The following IARS1 variants were observed in gnomAD, a reference collection of about 807,000 sequenced individuals.
IARS1 encodes the protein isoleucine--tRNA ligase, cytoplasmic.
IARS1 carries 124 observed loss-of-function variants against 168.2 expected under a neutral mutation model. That is an observed-to-expected ratio of 0.74 (90% CI 0.64 to 0.86). The LOEUF is 0.86. Among genes scored for constraint, IARS1 ranks in the 40% least tolerant of loss-of-function variants. The probability of loss-of-function intolerance (pLI) is 0.00; values close to 1 mark genes in which losing one functional copy is unlikely to be tolerated. For synonymous variants in IARS1, 532 were observed against 529.4 expected (o/e 1.00, Z -0.07); for missense variants, 1,452 against 1,515.8 (o/e 0.96, Z 0.70).
intron 26 of IARS1, among the ~76,000 whole-genome samples, chr9:92,245,926 C>A (rs1429449701): frequency 6.6e-6 from 1 of 152,052 alleles, no homozygotes; most frequent in Non-Finnish European, 1.5e-5. Context: ...GCCACCACAC[C>A]TGGCTAATTT....
chr9:92,235,112 C>T (rs937287400), intron 30 of IARS1, among the ~76,000 whole-genome samples: 14 of 152,242 alleles, frequency 9.2e-5, no homozygotes, highest in East Asian at 3.9e-4. Flanking sequence ...GGATTACAGG[C>T]GTGAGCCACC....
chr9:92,212,478 T>C (rs1226005857), intron 33 of IARS1, among the ~76,000 whole-genome samples: 2 of 152,206 alleles, frequency 1.3e-5, no homozygotes, highest in Admixed American at 6.5e-5. Flanking sequence ...GTTCTGTGAA[T>C]TGCAGGTAGT....
chr9:92,287,643 C>T (rs1006942269), intron 4 of IARS1, 148 bp downstream of exon 4: 4 of 792,364 alleles, frequency 5.0e-6, no homozygotes, highest in Non-Finnish European at 3.8e-6. Flanking sequence ...TTAAGCTAAC[C>T]GTTTAAGTAA....
intron 17 of IARS1, among the ~76,000 whole-genome samples, chr9:92,261,308 C>CA (rs1251528982): frequency 2.7e-5 from 4 of 147,194 alleles, no homozygotes; most frequent in African/African-American, 5.0e-5. Context: ...GACTCTGTCT[C>CA]AAAAAAAAGA....
At chr9:92,263,249 T>TA (rs1186437340) in intron 16 of IARS1, among the ~76,000 whole-genome samples, 194 bp from the exon 17 acceptor site, 3 of 152,304 alleles carry the variant, frequency 2.0e-5, no homozygotes, top group East Asian at 3.9e-4. Flanking sequence ...AGCATTGAAA[T>TA]AAACGTCTGG....
chr9:92,259,024 GA>G, intron 18 of IARS1, 26 bp from the exon 19 acceptor site: 1 of 1,577,762 alleles, frequency 6.3e-7, no homozygotes. Flanking sequence ...AAATTAGACA[GA>G]AAAGGTACTT....
chr9:92,214,351 T>C (rs1587678110), intron 33 of IARS1, among the ~76,000 whole-genome samples: 1 of 151,374 alleles, frequency 6.6e-6, no homozygotes, highest in Non-Finnish European at 1.5e-5. Flanking sequence ...AGGTCAGGAG[T>C]TTGAGACCAG....
intron 30 of IARS1, among the ~76,000 whole-genome samples, chr9:92,235,648 T>A (rs115345118): frequency 1.9e-3 from 287 of 150,224 alleles, no homozygotes; most frequent in African/African-American, 6.9e-3. Flanking sequence ...AATCCTACTC[T>A]CCTGAGTAGC....
At chr9:92,211,214 CA>C (rs1308377156) in intron 33 of IARS1, among the ~76,000 whole-genome samples, 2 of 152,148 alleles carry the variant, frequency 1.3e-5, no homozygotes, top group African/African-American at 4.8e-5. Flanking sequence ...AGAAAGACAG[CA>C]ATCATGCCTA....
intron 30 of IARS1, among the ~76,000 whole-genome samples, chr9:92,236,971 G>A (rs1827639882): frequency 1.3e-5 from 2 of 152,106 alleles, no homozygotes; most frequent in African/African-American, 4.8e-5. Flanking sequence ...TCTCACTAGA[G>A]GTTTATTAAT....
In IARS1 at chr9:92,250,786, C is replaced by A; in HGVS notation, c.2356G>T (p.Val786Leu). The A allele has an allele frequency of 6.2e-7, 1 of 1,613,512 alleles. No individual in the cohort carries two copies. Among genetic ancestry groups the A allele is most frequent in the Non-Finnish European group, 8.5e-7 (1 of 1,179,730 alleles). Residue 786 changes from valine to leucine, a missense_variant, in exon 23 of 34, where the codon GTG becomes TTG. Coordinates refer to ENST00000443024, the MANE Select transcript of IARS1 (RefSeq NM_002161.6). ...LTELMYQNLK[V>L]LIDPVSVQDK... ...TGAACAGAAACAGGGTCAATCAGCA[C>A]CTTTAGATTCTGGTACATCAATTCA... is the stretch of plus-strand genomic sequence containing the variant.
At chr9:92,290,351 C>T (rs1000999810) in intron 1 of IARS1, among the ~76,000 whole-genome samples, 1 of 152,114 alleles carries the variant, frequency 6.6e-6, no homozygotes, top group Non-Finnish European at 1.5e-5. Flanking sequence ...TGCGTATCCA[C>T]GTTGGATAGA....
At chr9:92,269,132 C>T (rs72750450) in intron 13 of IARS1, among the ~76,000 whole-genome samples, 4,663 of 152,198 alleles carry the variant, frequency 0.031, 112 homozygotes, top group South Asian at 0.079. Flanking sequence ...AAATGAAAAG[C>T]TGTCTTTTGA....
chr9:92,244,907 T>C, intron 27 of IARS1, 52 bp downstream of exon 27: 1 of 1,418,164 alleles, frequency 7.1e-7, no homozygotes, highest in African/African-American at 1.4e-5. Context: ...TACTTTCTCC[T>C]CTTATGCTCT....
intron 29 of IARS1, 116 bp downstream of exon 29, chr9:92,242,038 C>T: frequency 1.3e-6 from 1 of 793,140 alleles, no homozygotes; most frequent in East Asian, 2.5e-5. Context: ...AGCAATACTT[C>T]AAGACAGAGT....
intron 26 of IARS1, among the ~76,000 whole-genome samples, chr9:92,245,954 T>G (rs867555330): frequency 2.0e-5 from 3 of 151,792 alleles, no homozygotes; most frequent in East Asian, 1.9e-4. Flanking sequence ...GTGTGTGTGT[T>G]TTTAGCAGAG....
intron 30 of IARS1, among the ~76,000 whole-genome samples, chr9:92,229,795 T>A (rs948176098): frequency 1.3e-5 from 2 of 152,154 alleles, no homozygotes; most frequent in African/African-American, 4.8e-5. Flanking sequence ...CTGATCCTAT[T>A]CAGATTGCCT....
chr9:92,287,958 C>G, intron 3 of IARS1, 48 bp from the exon 4 acceptor site: 1 of 1,605,792 alleles, frequency 6.2e-7, no homozygotes, highest in Non-Finnish European at 8.5e-7. Flanking sequence ...ATGAAAACAA[C>G]TGCAACTATG....
chr9:92,225,574 AT>A lies in IARS1; in HGVS notation c.3410-2086del, dbSNP rs35209758. On this transcript the variant is annotated intron_variant, in intron 31 of 33. Coordinates refer to ENST00000443024, the MANE Select transcript of IARS1 (RefSeq NM_002161.6). ...AGTACAAGAAAGAGTTAAAAGTGTG[AT>A]TTTTTTTTTTTTTTTAATCTACTAG... Among the ~76,000 whole-genome samples, 952 of 144,112 alleles carry A rather than the reference AT, an allele frequency of 6.6e-3. 3 individuals are homozygous for A. Among genetic ancestry groups the A allele is most frequent in the African/African-American group, 9.2e-3 (355 of 38,624 alleles). The allele number at this position is 144,112 out of a possible 152,430, so 94.5% of individuals were successfully genotyped here. A position where few individuals can be genotyped will look rare whatever the true frequency, so the allele number is the denominator to read the frequency against.
Sources: gnomAD v4.1 joint callset for allele counts (sites outside exome capture counted in the v4.1 genomes callset) on GRCh38, gnomAD v4.1.1 for gene constraint, MANE v1.5 for transcripts, NCBI Gene and HGNC (gene_info 2026-07-23, HGNC 2026-07-21) for gene names.